PALM2AKAP2: variants seen among roughly 807,000 people sequenced by gnomAD.
PALM2AKAP2 encodes PALM2 and AKAP2 fusion.
A neutral mutation model predicts 71.5 loss-of-function variants in PALM2AKAP2; 37 were observed. The observed-to-expected ratio is 0.52, with a 90% CI of 0.40 to 0.68. PALM2AKAP2 has a LOEUF of 0.68. Ranked by LOEUF, PALM2AKAP2 falls within the 30% of genes least tolerant of loss-of-function variation. The probability of loss-of-function intolerance (pLI) is 0.00; values close to 1 mark genes in which losing one functional copy is unlikely to be tolerated. For missense variants in PALM2AKAP2, 1,224 were observed against 1,191.8 expected (o/e 1.03, Z -0.40); for synonymous variants, 468 against 478.8 (o/e 0.98, Z 0.29).
rs536268378 is a variant in PALM2AKAP2 at position 110,120,512 on chromosome 9, T to A, written c.157-15615T>A. ...CCCTCTTCTCTCTGAAAGCCTGCCC[T>A]TTGTTTTTGAGACAGAGTCTTGCTC... On this transcript the variant is annotated intron_variant, in intron 1 of 3. Transcript: ENST00000374525. 7.9e-5 allele frequency among the ~76,000 whole-genome samples: 12 copies of A among 152,314 alleles called. No individual in the cohort carries two copies. In the South Asian group the frequency reaches 2.5e-3, roughly 32 times the overall value.
intron 1 of PALM2AKAP2, among the ~76,000 whole-genome samples, chr9:110,074,213 A>C (rs77027113): frequency 2.0e-5 from 3 of 152,230 alleles, no homozygotes; most frequent in Non-Finnish European, 4.4e-5. Context: ...TTAGCTGGGC[A>C]TGATAGCTCA....
chr9:110,060,170 TGGTGCGATTTCGGCTCAC>T (rs1833933071), intron 1 of PALM2AKAP2, among the ~76,000 whole-genome samples: 1 of 152,158 alleles, frequency 6.6e-6, no homozygotes, highest in South Asian at 2.1e-4. Flanking sequence ...TGGAATGCAA[TGGTGCGATTTCGGCTCAC>T]TGCAACCTCC....
chr9:110,140,016 G>A (rs1835987753), intron 2 of PALM2AKAP2, among the ~76,000 whole-genome samples: 1 of 152,210 alleles, frequency 6.6e-6, no homozygotes, highest in South Asian at 2.1e-4. Flanking sequence ...TCACTCCATT[G>A]AGGGAGTGTC....
At chr9:110,025,217 C>T in intron 7 of PALM2AKAP2, 1 of 1,219,442 alleles carries the variant, frequency 8.2e-7, no homozygotes, top group Admixed American at 1.7e-5. Context: ...CCTTTTTGAA[C>T]AGTACCCATT....
intron 1 of PALM2AKAP2, among the ~76,000 whole-genome samples, chr9:109,738,843 C>T (rs543180765): frequency 1.6e-4 from 25 of 152,248 alleles, no homozygotes; most frequent in Non-Finnish European, 2.6e-4. Context: ...TTTTCCACAG[C>T]GCCCCTGCAA....
chr9:109,691,199 A>ACACACACACT (rs1827878946), intron 1 of PALM2AKAP2, among the ~76,000 whole-genome samples: 1 of 151,862 alleles, frequency 6.6e-6, no homozygotes, highest in Non-Finnish European at 1.5e-5. Context: ...ACACACACAC[A>ACACACACACT]CACACATGCA....
intron 1 of PALM2AKAP2, among the ~76,000 whole-genome samples, chr9:109,790,313 T>G (rs59679150): frequency 1.2e-3 from 176 of 152,228 alleles, no homozygotes; most frequent in African/African-American, 3.9e-3. Context: ...TTATACTGGT[T>G]TACTTACTAT....
In PALM2AKAP2 at chr9:109,878,055, T is replaced by C. The variant is rs150317894; in HGVS notation, c.127-2496T>C. The stretch of plus-strand genomic sequence containing the variant: ...TCGGGGAAATTTTGAGAGGTTTTTG[T>C]GGAGAACAATGGTTCTGAATGTTTT... On this transcript the variant is annotated intron_variant, in intron 2 of 9. Transcript: ENST00000302798. Among the ~76,000 whole-genome samples the C allele has an allele frequency of 1.6e-3, 242 of 152,344 alleles. 1 individual carries two copies. The highest frequency in any genetic ancestry group is 5.5e-3 in the African/African-American group (227 of 41,592).
rs181491597 is a variant in PALM2AKAP2, at chr9:110,034,316, G to A, written c.582+18277G>A. ...GGGATTTACAGGCATGTGCCACCAC[G>A]CCCGGCTAATTTTGTATTTTTAGTA... is the stretch of plus-strand genomic sequence containing the variant. On this transcript the variant is annotated intron_variant, in intron 7 of 9. Transcript: ENST00000302798. Among the ~76,000 whole-genome samples, 8 of 152,078 alleles carry A rather than the reference G, an allele frequency of 5.3e-5. No individual in the cohort carries two copies. In the East Asian group the frequency reaches 1.2e-3, roughly 22 times the overall value.
At chr9:110,148,848 CATA>C (rs1836241726) in intron 2 of PALM2AKAP2, 1 of 152,166 alleles carries the variant, frequency 6.6e-6, no homozygotes, top group Non-Finnish European at 1.5e-5. Context: ...TCACCCAAAT[CATA>C]ATATCTGACC....
At chr9:109,651,926 C>T (rs564554748) in intron 1 of PALM2AKAP2, among the ~76,000 whole-genome samples, 56 of 152,112 alleles carry the variant, frequency 3.7e-4, no homozygotes, top group African/African-American at 1.2e-3. Context: ...CATTCCTGGT[C>T]GAAATTCTGT....
intron 6 of PALM2AKAP2, among the ~76,000 whole-genome samples, chr9:109,964,063 T>G (rs1293987518): frequency 6.6e-6 from 1 of 152,260 alleles, no homozygotes; most frequent in African/African-American, 2.4e-5. Flanking sequence ...TCAGTCAGTA[T>G]GAAGTATATT....
intron 6 of PALM2AKAP2, among the ~76,000 whole-genome samples, chr9:109,960,320 C>T (rs149423260): frequency 0.01 from 1,586 of 152,326 alleles, 10 homozygotes; most frequent in Middle Eastern, 0.024. Context: ...GCTGTCTTTA[C>T]CATACGGCTG....
At chr9:109,754,402 T>C (rs976772908) in intron 1 of PALM2AKAP2, among the ~76,000 whole-genome samples, 9 of 152,162 alleles carry the variant, frequency 5.9e-5, no homozygotes, top group Non-Finnish European at 1.3e-4. Flanking sequence ...TTTGTCTTGT[T>C]ATGGTAAGAA....
chr9:110,045,974 T>G (rs553743751), upstream of PALM2AKAP2, among the ~76,000 whole-genome samples: 38 of 152,304 alleles, frequency 2.5e-4, no homozygotes, highest in African/African-American at 8.2e-4. Flanking sequence ...TAGGGCTCAA[T>G]AATTCTTTGT....
intron 2 of PALM2AKAP2, among the ~76,000 whole-genome samples, chr9:110,147,420 A>G (rs1836203370): frequency 6.6e-6 from 1 of 152,230 alleles, no homozygotes; most frequent in Admixed American, 6.5e-5. Context: ...ATAAAGTTAT[A>G]CCAACCTCAT....
At chr9:109,839,670 A>G (rs1828597557) in intron 1 of PALM2AKAP2, among the ~76,000 whole-genome samples, 1 of 152,278 alleles carries the variant, frequency 6.6e-6, no homozygotes, top group Admixed American at 6.5e-5. Context: ...CAACTTCAGC[A>G]AAGTCTCAGG....
chr9:109,710,430 C>T (rs139084930), intron 1 of PALM2AKAP2, among the ~76,000 whole-genome samples: 116 of 152,286 alleles, frequency 7.6e-4, no homozygotes, highest in African/African-American at 2.6e-3. Flanking sequence ...CCCAAATCCA[C>T]AGAAAGAATT....
rs1275281383 is a variant in PALM2AKAP2, at chr9:110,146,101, T to C, written c.2569+7562T>C. Reference sequence around the variant, plus strand: ...TTTTAGTAGAGATGGGGTTTCACCGTGTTAGCCAGGATGGTCTCAATCTCC... The same window carrying C: ...TTTTAGTAGAGATGGGGTTTCACCGCGTTAGCCAGGATGGTCTCAATCTCC... On this transcript the variant is annotated intron_variant, in intron 2 of 3. Coordinates refer to ENST00000374525, the Ensembl canonical transcript of PALM2AKAP2. 2.0e-5 allele frequency among the ~76,000 whole-genome samples: 3 copies of C among 151,950 alleles called. No individual in the cohort carries two copies. The East Asian group carries it at 5.8e-4, about 29-fold the overall frequency.
Sources: gnomAD v4.1 joint callset for allele counts (sites outside exome capture counted in the v4.1 genomes callset) on GRCh38, gnomAD v4.1.1 for gene constraint, MANE v1.5 for transcripts, NCBI Gene and HGNC (gene_info 2026-07-23, HGNC 2026-07-21) for gene names.